Variants in MAGI1 observed in about 807,000 individuals in gnomAD.
MAGI1 encodes the protein membrane-associated guanylate kinase, WW and PDZ domain-containing protein 1.
In MAGI1, 58 loss-of-function variants were observed where a neutral mutation model predicts 139.9. The ratio of observed to expected loss-of-function variants is 0.41; its 90% CI spans 0.34 to 0.52. The LOEUF (loss-of-function observed/expected upper bound fraction) is 0.52. Among genes scored for constraint, MAGI1 ranks in the 20% least tolerant of loss-of-function variants. MAGI1 has a pLI of 0.12. For synonymous variants in MAGI1, 812 were observed against 737.9 expected (o/e 1.10, Z -1.63); for missense variants, 1,874 against 1,901.6 (o/e 0.99, Z 0.27).
intron 2 of MAGI1, among the ~76,000 whole-genome samples, chr3:65,600,541 C>A (rs1237494718): frequency 1.3e-5 from 2 of 152,168 alleles, no homozygotes; most frequent in African/African-American, 4.8e-5. Flanking sequence ...CAGCAGAAGC[C>A]AGGAGAGATG....
chr3:65,931,042 T>A (rs1250897748), intron 1 of MAGI1, among the ~76,000 whole-genome samples: 1 of 151,690 alleles, frequency 6.6e-6, no homozygotes, highest in Non-Finnish European at 1.5e-5. Context: ...CTTGCTTCTT[T>A]TTTTTTTTGA....
chr3:65,368,305 A>G (rs1423815164), intron 18 of MAGI1, among the ~76,000 whole-genome samples: 2 of 152,226 alleles, frequency 1.3e-5, no homozygotes, highest in East Asian at 1.9e-4. Context: ...CAAATTCCAG[A>G]AAGTACCCAA....
In MAGI1 at chr3:65,942,813, G is replaced by C. The variant is rs1308598018; in HGVS notation, c.313+95183C>G. On this transcript the variant is annotated intron_variant, in intron 1 of 22. Coordinates refer to ENST00000402939, the MANE Select transcript of MAGI1 (RefSeq NM_001033057.2). ...AACCAGACAGATAACAAGAGGTTGG[G>C]AGTTCGAGACCAGCCTGGCCAATAG... is the stretch of plus-strand genomic sequence containing the variant. 2.0e-5 allele frequency among the ~76,000 whole-genome samples: 3 copies of C among 152,146 alleles called. No homozygotes were observed. The South Asian group carries it at 6.2e-4, about 32-fold the overall frequency.
At chr3:65,916,910 T>G (rs1459238518) in intron 1 of MAGI1, among the ~76,000 whole-genome samples, 1 of 152,212 alleles carries the variant, frequency 6.6e-6, no homozygotes, top group Non-Finnish European at 1.5e-5. Context: ...CATTGTATAC[T>G]TTTTAAAATC....
chr3:65,777,477 G>T, intron 1 of MAGI1, among the ~76,000 whole-genome samples: 1 of 152,056 alleles, frequency 6.6e-6, no homozygotes, highest in African/African-American at 2.4e-5. Flanking sequence ...AAATGGACTT[G>T]AAAACCGTGC....
chr3:65,666,519 T>C (rs1258573978), intron 1 of MAGI1, among the ~76,000 whole-genome samples: 31 of 152,272 alleles, frequency 2.0e-4, no homozygotes, highest in East Asian at 1.9e-4. Flanking sequence ...TAAAACCTTA[T>C]AGACATTCAA....
At chr3:65,484,391 GACCACCTAT>G (rs998505994) in intron 3 of MAGI1, among the ~76,000 whole-genome samples, 6 of 152,110 alleles carry the variant, frequency 3.9e-5, no homozygotes, top group African/African-American at 1.2e-4. Context: ...GGATGGTAGT[GACCACCTAT>G]GGCTGGGAAT....
chr3:65,501,634 G>C (rs1009601771), intron 2 of MAGI1, among the ~76,000 whole-genome samples: 1 of 152,056 alleles, frequency 6.6e-6, no homozygotes, highest in Non-Finnish European at 1.5e-5. Flanking sequence ...ACCATTTGGG[G>C]AAAGAGTTTG....
intron 1 of MAGI1, among the ~76,000 whole-genome samples, chr3:65,773,486 T>C (rs796516592): frequency 1.4e-4 from 22 of 152,216 alleles, no homozygotes; most frequent in African/African-American, 5.3e-4. Flanking sequence ...TGAGCTATGA[T>C]GGGGCCACTG....
In MAGI1 at chr3:65,748,413, G is replaced by A. The variant is rs989704085; in HGVS notation, c.314-126325C>T. Among the ~76,000 whole-genome samples the A allele has an allele frequency of 4.6e-5, 7 of 152,114 alleles. No homozygotes were observed. In the South Asian group the frequency reaches 1.2e-3, roughly 27 times the overall value. ...TAATGCAAAGCCCAGGGTAGGATATGGGCCTTTAGATGTTCTGGCTCTGCT... is the reference window on the plus strand; with the variant it reads ...TAATGCAAAGCCCAGGGTAGGATATAGGCCTTTAGATGTTCTGGCTCTGCT... On this transcript the variant is annotated intron_variant, in intron 1 of 22. Coordinates refer to ENST00000402939, the MANE Select transcript of MAGI1 (RefSeq NM_001033057.2).
At position 65,546,729 on chromosome 3, in the gene MAGI1, T is replaced by C. The variant is rs548321342; in HGVS notation, c.431-53098A>G. ...TAAATGTCATAGTCAATCCATTTTT[T>C]TTCCTTGCAACTGTTAGGTGTGGTG... On this transcript the variant is annotated intron_variant, in intron 2 of 22. Transcript: ENST00000402939. Among the ~76,000 whole-genome samples the C allele has an allele frequency of 6.6e-5, 10 of 152,318 alleles. No homozygotes were observed. In the East Asian group the frequency reaches 1.7e-3, roughly 26 times the overall value.
chr3:65,432,664 T>A (rs868048841), intron 10 of MAGI1, among the ~76,000 whole-genome samples: 3 of 151,940 alleles, frequency 2.0e-5, no homozygotes, highest in Non-Finnish European at 4.4e-5. Context: ...TGCCAAGGCG[T>A]TGGGAGGGTG....
chr3:65,508,077 C>T (rs544836031), intron 2 of MAGI1, among the ~76,000 whole-genome samples: 6 of 152,238 alleles, frequency 3.9e-5, no homozygotes, highest in East Asian at 1.9e-4. Flanking sequence ...GAGGTATCAA[C>T]GGTATTATCA....
intron 1 of MAGI1, among the ~76,000 whole-genome samples, chr3:65,629,945 T>A (rs1232076744): frequency 1.3e-5 from 2 of 152,176 alleles, no homozygotes; most frequent in African/African-American, 4.8e-5. Context: ...TTATGTTATA[T>A]ATATTTAACC....
Position 65,710,110 on chromosome 3 carries a change from G to T in MAGI1, c.314-88022C>A, listed in dbSNP as rs533772384. On this transcript the variant is annotated intron_variant, in intron 1 of 22. Transcript: ENST00000402939. ...AGTATGTTAAGAGGTTACTCCCCAA[G>T]ATTTCACAAGCCTTTTTTTAAAGGA... Among the ~76,000 whole-genome samples, 5 of 152,142 alleles carry T rather than the reference G, an allele frequency of 3.3e-5. 1 individual carries two copies. In the South Asian group the frequency reaches 1.0e-3, roughly 32 times the overall value.
chr3:65,717,017 G>A (rs961505743), intron 1 of MAGI1, among the ~76,000 whole-genome samples: 9 of 152,174 alleles, frequency 5.9e-5, no homozygotes, highest in African/African-American at 2.2e-4. Flanking sequence ...TGGCAAAAGT[G>A]ACTTTGCCGA....
At chr3:65,742,657 A>C (rs2035375114) in intron 1 of MAGI1, among the ~76,000 whole-genome samples, 1 of 152,214 alleles carries the variant, frequency 6.6e-6, no homozygotes, top group African/African-American at 2.4e-5. Flanking sequence ...ACTTTATTCA[A>C]GACGCCACCT....
chr3:65,475,158 G>A (rs553301997), intron 4 of MAGI1, among the ~76,000 whole-genome samples: 1 of 151,948 alleles, frequency 6.6e-6, no homozygotes, highest in Non-Finnish European at 1.5e-5. Context: ...TCTCTCAGAG[G>A]TGTTCATGAA....
intron 2 of MAGI1, among the ~76,000 whole-genome samples, chr3:65,521,572 T>C (rs886379270): frequency 1.3e-5 from 2 of 152,188 alleles, no homozygotes; most frequent in African/African-American, 2.4e-5. Flanking sequence ...TAATATACAA[T>C]ACAATGAATA....
Sources: gnomAD v4.1 joint callset for allele counts (sites outside exome capture counted in the v4.1 genomes callset) on GRCh38, gnomAD v4.1.1 for gene constraint, MANE v1.5 for transcripts, NCBI Gene and HGNC (gene_info 2026-07-23, HGNC 2026-07-21) for gene names.